Variants in B3GALT1 observed in about 807,000 individuals in gnomAD.
B3GALT1 encodes beta-1,3-galactosyltransferase 1, also known as UDP-Gal:betaGlcNAc beta 1,3-galactosyltransferase, polypeptide 1.
B3GALT1 carries 10 observed loss-of-function variants against 23.2 expected under a neutral mutation model. That is an observed-to-expected ratio of 0.43 (90% CI 0.27 to 0.73). The LOEUF is 0.73. Ranked by LOEUF, B3GALT1 falls within the 30% of genes least tolerant of loss-of-function variation. The pLI, the probability that B3GALT1 is intolerant of heterozygous loss-of-function variation, is 0.21. For synonymous variants in B3GALT1, 156 were observed against 141.5 expected, an observed-to-expected ratio of 1.10 and a Z score of -0.73; for missense variants, 299 against 405.4, an observed-to-expected ratio of 0.74 and a Z score of 2.25.
At chr2:167,836,892 A>C (rs1398951181) in intron 4 of B3GALT1, among the ~76,000 whole-genome samples, 38 of 152,148 alleles carry the variant, frequency 2.5e-4, no homozygotes, top group Non-Finnish European at 8.8e-5. Context: ...TAAAGAAAAG[A>C]ATTTTCAACC....
At chr2:167,468,107 C>T (rs976093406) in intron 1 of B3GALT1, among the ~76,000 whole-genome samples, 2 of 152,078 alleles carry the variant, frequency 1.3e-5, no homozygotes, top group Non-Finnish European at 2.9e-5. Context: ...GCATATTTTT[C>T]TGGAGTGATA....
chr2:167,869,950 A>G lies in B3GALT1; in HGVS notation c.911A>G (p.His304Arg). The G allele has an allele frequency of 6.2e-7, 1 of 1,614,114 alleles. No individual in the cohort carries two copies. Among genetic ancestry groups the G allele is most frequent in the Non-Finnish European group, 8.5e-7 (1 of 1,180,002 alleles). The change falls in exon 5 of 5, where the codon CAT (histidine) becomes CGT (arginine). Residue 304 changes from histidine to arginine, a missense_variant. Physicochemically the swap from His to Arg is conservative, Grantham distance 29. Transcript: ENST00000392690. This position sits in a 1 kb window ranked among gnomAD's most constrained non-coding sequence, Gnocchi z 6.4. ...AGGTATCGCCGAGTTATCACTGTGC[A>G]TCAGATCTCTCCAGAAGAAATGCAC... ...LCRYRRVITV[H>R]QISPEEMHRI... is the part of the protein sequence containing the mutation.
intron 2 of B3GALT1, among the ~76,000 whole-genome samples, chr2:167,607,660 A>T (rs910996191): frequency 1.3e-5 from 2 of 152,226 alleles, no homozygotes; most frequent in Non-Finnish European, 2.9e-5. Flanking sequence ...GGTAAATACT[A>T]CAATGCATTA....
intron 4 of B3GALT1, among the ~76,000 whole-genome samples, chr2:167,829,600 AT>A (rs1029080706): frequency 1.1e-4 from 16 of 152,052 alleles, no homozygotes; most frequent in Admixed American, 3.3e-4. Flanking sequence ...TATGAGTTTC[AT>A]TTTTCAGGCT....
At chr2:167,552,040 A>G (rs761212512) in intron 2 of B3GALT1, among the ~76,000 whole-genome samples, 3 of 152,174 alleles carry the variant, frequency 2.0e-5, no homozygotes, top group Non-Finnish European at 4.4e-5. Context: ...TATTTTTCTT[A>G]GAGCTTTATT....
intron 2 of B3GALT1, among the ~76,000 whole-genome samples, chr2:167,594,638 C>T (rs1301575498): frequency 6.6e-6 from 1 of 152,144 alleles, no homozygotes; most frequent in Non-Finnish European, 1.5e-5. Flanking sequence ...AGGGGCCTGG[C>T]ACGGTGGCTC....
intron 1 of B3GALT1, among the ~76,000 whole-genome samples, chr2:167,307,219 AG>A (rs1696565311): frequency 2.0e-5 from 3 of 152,054 alleles, no homozygotes; most frequent in Admixed American, 1.3e-4. Context: ...GAAGTGAAAT[AG>A]GAAGAAACAG....
intron 1 of B3GALT1, among the ~76,000 whole-genome samples, chr2:167,452,601 A>T (rs1699107610): frequency 6.6e-6 from 1 of 152,120 alleles, no homozygotes; most frequent in African/African-American, 2.4e-5. Flanking sequence ...GAGTCTGTGG[A>T]TTCTCTCAGC....
intron 1 of B3GALT1, among the ~76,000 whole-genome samples, chr2:167,334,464 G>C (rs566291310): frequency 7.2e-5 from 11 of 152,270 alleles, no homozygotes; most frequent in Admixed American, 7.2e-4. Context: ...GTCATGAACT[G>C]ATTCATTCAA....
intron 1 of B3GALT1, among the ~76,000 whole-genome samples, chr2:167,366,422 T>C (rs1697585112): frequency 6.6e-6 from 1 of 152,170 alleles, no homozygotes; most frequent in Admixed American, 6.5e-5. Flanking sequence ...CTGTACAACA[T>C]CCCTGTGGGG....
At chr2:167,545,319 G>T (rs766392988) in intron 2 of B3GALT1, among the ~76,000 whole-genome samples, 1 of 152,012 alleles carries the variant, frequency 6.6e-6, no homozygotes, top group East Asian at 2.0e-4. Context: ...ACAGGCGTGA[G>T]CCACCGGCCC....
chr2:167,446,319 G>A (rs1032078406), intron 1 of B3GALT1, among the ~76,000 whole-genome samples: 1 of 152,064 alleles, frequency 6.6e-6, no homozygotes, highest in African/African-American at 2.4e-5. Context: ...CTTCAACTTT[G>A]GTGAATCTGA....
intron 3 of B3GALT1, among the ~76,000 whole-genome samples, chr2:167,654,669 AT>A (rs1558938296): frequency 6.6e-6 from 1 of 151,476 alleles, no homozygotes; most frequent in Non-Finnish European, 1.5e-5. Context: ...AATTTTTAAA[AT>A]TTTTTTGTAG....
intron 3 of B3GALT1, among the ~76,000 whole-genome samples, chr2:167,799,361 C>G (rs1688597086): frequency 6.6e-6 from 1 of 152,100 alleles, no homozygotes; most frequent in South Asian, 2.1e-4. Flanking sequence ...CCTTGCAAGT[C>G]TCCAAGGTCC....
At chr2:167,425,537 A>G (rs1049823921) in intron 1 of B3GALT1, among the ~76,000 whole-genome samples, 4 of 152,242 alleles carry the variant, frequency 2.6e-5, no homozygotes, top group Non-Finnish European at 5.9e-5. Context: ...ATACATCTCC[A>G]GATGCTATGT....
chr2:167,356,789 G>GTA (rs1416810272), intron 1 of B3GALT1, among the ~76,000 whole-genome samples: 2 of 151,720 alleles, frequency 1.3e-5, no homozygotes, highest in Admixed American at 6.6e-5. Context: ...AATATATATA[G>GTA]TAATTAAATT....
intron 2 of B3GALT1, among the ~76,000 whole-genome samples, chr2:167,598,570 T>G (rs1174735146): frequency 6.6e-6 from 1 of 152,184 alleles, no homozygotes; most frequent in Admixed American, 6.5e-5. Flanking sequence ...ATATTTCTAT[T>G]ATAGGCTCAA....
chr2:167,410,102 A>C (rs941347764), intron 1 of B3GALT1, among the ~76,000 whole-genome samples: 2 of 152,198 alleles, frequency 1.3e-5, no homozygotes, highest in African/African-American at 4.8e-5. Context: ...AGCCATAACA[A>C]AGAATGAGTT....
At chr2:167,360,335 C>T (rs1697481403) in intron 1 of B3GALT1, among the ~76,000 whole-genome samples, 1 of 152,044 alleles carries the variant, frequency 6.6e-6, no homozygotes, top group African/African-American at 2.4e-5. Flanking sequence ...ACATTGTTTC[C>T]AATTAATGAT....
Sources: gnomAD v4.1 joint callset for allele counts (sites outside exome capture counted in the v4.1 genomes callset) on GRCh38, gnomAD v4.1.1 for gene constraint, Gnocchi (gnomAD v3.1) non-coding constraint, MANE v1.5 for transcripts, NCBI Gene and HGNC (gene_info 2026-07-23, HGNC 2026-07-21) for gene names.